TENM2: variants seen among roughly 807,000 people sequenced by gnomAD.
The protein encoded by TENM2 is teneurin transmembrane protein 2.
A neutral mutation model predicts 245.2 loss-of-function variants in TENM2; 52 were observed. The ratio of observed to expected loss-of-function variants is 0.21; its 90% CI spans 0.17 to 0.27. The LOEUF is 0.27. Ranked by LOEUF, TENM2 falls within the 10% of genes least tolerant of loss-of-function variation. The probability of loss-of-function intolerance (pLI) is 1.00; values close to 1 mark genes in which losing one functional copy is unlikely to be tolerated. For synonymous variants in TENM2, 1,363 were observed against 1,438.9 expected (o/e 0.95, Z 1.19); for missense variants, 3,046 against 3,666.8 (o/e 0.83, Z 4.37).
the TENM2 span, among the ~76,000 whole-genome samples, chr5:167,149,063 A>AAGGTGC: frequency 6.6e-6 from 1 of 152,156 alleles, no homozygotes; most frequent in Non-Finnish European, 1.5e-5. Context: ...ACATGTGCAC[A>AAGGTGC]AGGTGCAGGT....
At chr5:167,367,409 A>C (rs1466011505) in intron 1 of TENM2, among the ~76,000 whole-genome samples, 1 of 152,180 alleles carries the variant, frequency 6.6e-6, no homozygotes, top group Non-Finnish European at 1.5e-5. Flanking sequence ...ATGAATAATA[A>C]TGCATGTACA....
chr5:168,260,067 A>G (rs1015736142), intron 27 of TENM2, among the ~76,000 whole-genome samples: 3 of 152,152 alleles, frequency 2.0e-5, no homozygotes, highest in African/African-American at 4.8e-5. Context: ...TAATCACCAC[A>G]TGGTGGTTAT....
the TENM2 span, among the ~76,000 whole-genome samples, chr5:167,165,736 A>T: frequency 6.6e-6 from 1 of 152,248 alleles, no homozygotes; most frequent in African/African-American, 2.4e-5. Flanking sequence ...TAAGGTATAA[A>T]TCTTCACTGA....
intron 7 of TENM2, among the ~76,000 whole-genome samples, chr5:168,081,096 A>T (rs1335080372): frequency 2.0e-5 from 3 of 152,102 alleles, no homozygotes; most frequent in African/African-American, 7.2e-5. Flanking sequence ...AAGCACTTGC[A>T]TTATGAATCT....
At chr5:167,469,716 C>G (rs913262707) in intron 2 of TENM2, among the ~76,000 whole-genome samples, 1 of 151,684 alleles carries the variant, frequency 6.6e-6, no homozygotes, top group Non-Finnish European at 1.5e-5. Context: ...TTTTTATTAG[C>G]AATTGAAATC....
At chr5:167,782,577 C>T (rs1764272279) in intron 2 of TENM2, among the ~76,000 whole-genome samples, 1 of 152,060 alleles carries the variant, frequency 6.6e-6, no homozygotes, top group South Asian at 2.1e-4. Flanking sequence ...GTCACACTGT[C>T]CTTCAACCGG....
In TENM2 at chr5:167,636,551, C is replaced by G. The variant is rs556727850; in HGVS notation, c.503-239435C>G. On this transcript the variant is annotated intron_variant, in intron 2 of 28. Coordinates refer to ENST00000518659, the Ensembl canonical transcript of TENM2. ...GATTTAGCACTGTTCCTCAGAGAAC[C>G]ATGGAGGAAAGGTAAAAGAGCCCAT... Among the ~76,000 whole-genome samples, 453 of 152,234 alleles carry G rather than the reference C, an allele frequency of 3.0e-3. 3 individuals are homozygous for G. Among genetic ancestry groups the G allele is most frequent in the African/African-American group, 0.01 (423 of 41,542 alleles).
chr5:168,205,938 G>C (rs1178180813), intron 19 of TENM2, among the ~76,000 whole-genome samples: 3 of 152,212 alleles, frequency 2.0e-5, no homozygotes, highest in South Asian at 4.1e-4. Flanking sequence ...GATTGTCCAG[G>C]ATTGGGGCAA....
At chr5:167,014,910 C>T in the TENM2 span, among the ~76,000 whole-genome samples, 1 of 152,172 alleles carries the variant, frequency 6.6e-6, no homozygotes, top group Non-Finnish European at 1.5e-5. Context: ...AAATTAATCC[C>T]CCTTTAAAAG....
chr5:167,587,880 C>G (rs1035851007), intron 2 of TENM2, among the ~76,000 whole-genome samples: 1 of 152,162 alleles, frequency 6.6e-6, no homozygotes, highest in Non-Finnish European at 1.5e-5. Context: ...TGGGAAATTC[C>G]TCTTTTTCCC....
the TENM2 span, among the ~76,000 whole-genome samples, chr5:167,224,478 G>A: frequency 1.1e-4 from 16 of 151,928 alleles, no homozygotes; most frequent in Non-Finnish European, 2.4e-4. Context: ...TGATGACTTT[G>A]TCAAAGATCA....
chr5:167,792,192 A>G (rs1050401313), intron 2 of TENM2, among the ~76,000 whole-genome samples: 4 of 152,106 alleles, frequency 2.6e-5, no homozygotes, highest in Non-Finnish European at 5.9e-5. Flanking sequence ...CCATGCCTTA[A>G]GTAAATCATA....
intron 2 of TENM2, among the ~76,000 whole-genome samples, chr5:167,412,505 G>T (rs1762959927): frequency 6.6e-6 from 1 of 151,998 alleles, no homozygotes; most frequent in African/African-American, 2.4e-5. Context: ...GGAGGATGTG[G>T]TATACCACCT....
At chr5:167,463,437 G>T (rs751156860) in intron 2 of TENM2, among the ~76,000 whole-genome samples, 9 of 152,176 alleles carry the variant, frequency 5.9e-5, no homozygotes, top group Non-Finnish European at 1.0e-4. Context: ...TCAAAAACAA[G>T]TTATGTCTTT....
chr5:167,701,252 C>T (rs1258006183), intron 2 of TENM2, among the ~76,000 whole-genome samples: 2 of 152,094 alleles, frequency 1.3e-5, no homozygotes, highest in Non-Finnish European at 2.9e-5. Flanking sequence ...GGGTTTTTTG[C>T]ATAAGTTGCA....
intron 1 of TENM2, among the ~76,000 whole-genome samples, chr5:167,364,490 A>G (rs1759918753): frequency 6.6e-6 from 1 of 152,168 alleles, no homozygotes; most frequent in Non-Finnish European, 1.5e-5. Flanking sequence ...TGACTATCAT[A>G]CCAATTAAAA....
chr5:168,191,675 C>A (rs1171675105), intron 14 of TENM2, among the ~76,000 whole-genome samples: 2 of 152,134 alleles, frequency 1.3e-5, no homozygotes, highest in Non-Finnish European at 2.9e-5. Context: ...GGCCCAGGAG[C>A]AACTCTGGAT....
chr5:167,628,312 T>G (rs1174537424), intron 2 of TENM2, among the ~76,000 whole-genome samples: 34 of 152,152 alleles, frequency 2.2e-4, no homozygotes, highest in Admixed American at 2.2e-3. Flanking sequence ...CTCCCTGCCC[T>G]ATTCAAAAAT....
chr5:167,862,785 T>C (rs913123446), intron 2 of TENM2, among the ~76,000 whole-genome samples: 17 of 152,194 alleles, frequency 1.1e-4, no homozygotes, highest in African/African-American at 3.9e-4. Flanking sequence ...GCAATTCGGG[T>C]TGTGAATTTC....
Sources: gnomAD v4.1 joint callset for allele counts (sites outside exome capture counted in the v4.1 genomes callset) on GRCh38, gnomAD v4.1.1 for gene constraint, MANE v1.5 for transcripts, NCBI Gene and HGNC (gene_info 2026-07-23, HGNC 2026-07-21) for gene names.